The following LDLRAD3 variants were observed in gnomAD, a reference collection of about 807,000 sequenced individuals.
LDLRAD3 encodes low-density lipoprotein receptor class A domain-containing protein 3.
In LDLRAD3, 20 loss-of-function variants were observed where a neutral mutation model predicts 29.4. The ratio of observed to expected loss-of-function variants is 0.68; its 90% confidence interval spans 0.48 to 0.99. The LOEUF (loss-of-function observed/expected upper bound fraction) is 0.99, where lower values mean the gene tolerates loss of function less well. Among genes scored for constraint, LDLRAD3 ranks in the 50% least tolerant of loss-of-function variants. The pLI is 0.00. For synonymous variants in LDLRAD3, 157 were observed against 192.7 expected (o/e 0.81, Z 1.53); for missense variants, 420 against 454.3 (o/e 0.92, Z 0.69).
intron 3 of LDLRAD3, among the ~76,000 whole-genome samples, chr11:36,096,021 T>C (rs1163227129): frequency 6.6e-6 from 1 of 150,540 alleles, no homozygotes; most frequent in African/African-American, 2.4e-5. Context: ...TTCAGCTTGA[T>C]CCAGTTGAGC....
intron 1 of LDLRAD3, chr11:35,967,941 A>C: frequency 2.5e-6 from 1 of 393,334 alleles, no homozygotes; most frequent in Non-Finnish European, 4.9e-6. Flanking sequence ...GCAAAGCCAA[A>C]TTCTCAGGTG....
intron 1 of LDLRAD3, among the ~76,000 whole-genome samples, chr11:36,021,201 A>G (rs1422424808): frequency 1.3e-5 from 2 of 152,214 alleles, no homozygotes; most frequent in Non-Finnish European, 2.9e-5. Context: ...GTTGAAGGGA[A>G]GAGAACTGAA....
At chr11:36,108,630 CAA>C (rs944587953) in intron 4 of LDLRAD3, among the ~76,000 whole-genome samples, 1 of 151,892 alleles carries the variant, frequency 6.6e-6, no homozygotes, top group African/African-American at 2.4e-5. Flanking sequence ...AGTTACTGGA[CAA>C]GAGAGAGGAG....
chr11:36,204,173 A>G (rs1240739745), intron 4 of LDLRAD3, among the ~76,000 whole-genome samples: 1 of 152,180 alleles, frequency 6.6e-6, no homozygotes, highest in East Asian at 1.9e-4. Context: ...AGACAGAAGC[A>G]TTTTACAATG....
intron 2 of LDLRAD3, among the ~76,000 whole-genome samples, chr11:36,047,884 G>A (rs1852473983): frequency 6.6e-6 from 1 of 152,194 alleles, no homozygotes; most frequent in Non-Finnish European, 1.5e-5. Flanking sequence ...CTGGCAGTGT[G>A]GAGATCCCAG....
chr11:35,961,703 G>A (rs1331667899), intron 1 of LDLRAD3, among the ~76,000 whole-genome samples: 2 of 152,142 alleles, frequency 1.3e-5, no homozygotes, highest in Non-Finnish European at 2.9e-5. Flanking sequence ...GCTATGTAAA[G>A]CTTTTGCATT....
chr11:36,085,506 A>G (rs958953246), intron 3 of LDLRAD3, among the ~76,000 whole-genome samples: 15 of 152,240 alleles, frequency 9.9e-5, no homozygotes, highest in African/African-American at 3.6e-4. Context: ...CAGATATTTT[A>G]AAAGTATTAT....
rs116573134 is a variant in LDLRAD3, at chr11:35,970,419, T to C, written c.46+26275T>C. On this transcript the variant is annotated intron_variant, in intron 1 of 5. Coordinates refer to ENST00000315571, the MANE Select transcript of LDLRAD3 (RefSeq NM_174902.4). ...GGTGCAGGGCAAGGAATGCCAAGGA[T>C]TGCCAGCAACCTCCAGAAGCCAGGC... Among the ~76,000 whole-genome samples the C allele has an allele frequency of 5.1e-3, 773 of 152,254 alleles. 10 individuals carry two copies. The highest frequency in any genetic ancestry group is 0.018 in the African/African-American group (737 of 41,550).
At chr11:36,119,816 A>T (rs760546482) in intron 4 of LDLRAD3, among the ~76,000 whole-genome samples, 2 of 152,204 alleles carry the variant, frequency 1.3e-5, no homozygotes, top group Non-Finnish European at 2.9e-5. Flanking sequence ...CATTTGCCAC[A>T]CAAAGGTTTA....
At chr11:35,946,113 A>G (rs1038408663) in intron 1 of LDLRAD3, among the ~76,000 whole-genome samples, 1 of 152,218 alleles carries the variant, frequency 6.6e-6, no homozygotes, top group Non-Finnish European at 1.5e-5. Context: ...TGCCAGAAAC[A>G]GGGCTGGTCC....
chr11:36,211,159 A>G (rs922098288), intron 4 of LDLRAD3, among the ~76,000 whole-genome samples: 4 of 152,158 alleles, frequency 2.6e-5, no homozygotes, highest in African/African-American at 4.8e-5. Context: ...CAACTATGCA[A>G]CTCTGCCATT....
intron 1 of LDLRAD3, among the ~76,000 whole-genome samples, chr11:35,955,276 A>G (rs1409602030): frequency 6.6e-6 from 1 of 152,180 alleles, no homozygotes; most frequent in Non-Finnish European, 1.5e-5. Context: ...ACAGTATTAA[A>G]CACATGAAAT....
intron 4 of LDLRAD3, among the ~76,000 whole-genome samples, chr11:36,175,918 CTAT>C (rs1854669364): frequency 1.3e-5 from 2 of 152,100 alleles, no homozygotes; most frequent in African/African-American, 2.4e-5. Context: ...AAGTCCCCCA[CTAT>C]TATTGTGTTG....
intron 4 of LDLRAD3, among the ~76,000 whole-genome samples, chr11:36,215,123 C>A (rs140446503): frequency 1.3e-5 from 2 of 152,150 alleles, no homozygotes; most frequent in Non-Finnish European, 2.9e-5. Flanking sequence ...CCTGGAAGGT[C>A]GTGCTAAGCA....
chr11:35,966,114 C>T (rs940251587), intron 1 of LDLRAD3, among the ~76,000 whole-genome samples: 2 of 152,130 alleles, frequency 1.3e-5, no homozygotes, highest in African/African-American at 2.4e-5. Context: ...ATTTGTCTTT[C>T]GACAAGATAA....
intron 4 of LDLRAD3, among the ~76,000 whole-genome samples, chr11:36,199,851 G>C (rs189309356): frequency 3.3e-5 from 5 of 152,162 alleles, no homozygotes; most frequent in Non-Finnish European, 7.4e-5. Context: ...CTCACAGTCT[G>C]CTTAGGCTGC....
At chr11:35,993,927 A>G in intron 1 of LDLRAD3, among the ~76,000 whole-genome samples, 1 of 152,170 alleles carries the variant, frequency 6.6e-6, no homozygotes, top group South Asian at 2.1e-4. Flanking sequence ...TTGCTTCTCC[A>G]GGAAGGACGT....
At chr11:35,979,948 G>A (rs1851520381) in intron 1 of LDLRAD3, among the ~76,000 whole-genome samples, 1 of 152,120 alleles carries the variant, frequency 6.6e-6, no homozygotes, top group Admixed American at 6.5e-5. Flanking sequence ...GTTAGAGAAG[G>A]CCTGATGTCT....
chr11:36,096,926 A>G (rs190824052), intron 3 of LDLRAD3, among the ~76,000 whole-genome samples: 1 of 152,354 alleles, frequency 6.6e-6, no homozygotes, highest in Admixed American at 6.5e-5. Context: ...GGATTGGAGT[A>G]ATTTCTACTT....
Sources: gnomAD v4.1 joint callset for allele counts (sites outside exome capture counted in the v4.1 genomes callset) on GRCh38, gnomAD v4.1.1 for gene constraint, MANE v1.5 for transcripts, NCBI Gene and HGNC (gene_info 2026-07-23, HGNC 2026-07-21) for gene names.